The following DDX10 variants were observed in gnomAD, a reference collection of about 807,000 sequenced individuals.
DDX10 encodes DEAD-box helicase 10.
In DDX10, 74 loss-of-function variants were observed where a neutral mutation model predicts 104.3. The ratio of observed to expected loss-of-function variants is 0.71; its 90% CI spans 0.59 to 0.86. DDX10 has a LOEUF of 0.86. Among genes scored for constraint, DDX10 ranks in the 40% least tolerant of loss-of-function variants. The pLI is 0.00. For missense variants in DDX10, 952 were observed against 1,040.0 expected, an observed-to-expected ratio of 0.92 and a Z score of 1.16; for synonymous variants, 351 against 353.4, an observed-to-expected ratio of 0.99 and a Z score of 0.08.
intron 13 of DDX10, among the ~76,000 whole-genome samples, chr11:108,794,911 T>C (rs928419936): frequency 6.6e-6 from 1 of 150,904 alleles, no homozygotes; most frequent in Non-Finnish European, 1.5e-5. Context: ...ACCTGTAACC[T>C]CCGCCTCCCG....
intron 15 of DDX10, among the ~76,000 whole-genome samples, chr11:108,849,361 T>C (rs1047284408): frequency 3.3e-5 from 5 of 152,108 alleles, no homozygotes; most frequent in Non-Finnish European, 5.9e-5. Flanking sequence ...CAAAGGAATA[T>C]ACTTTCATAA....
intron 13 of DDX10, among the ~76,000 whole-genome samples, chr11:108,744,978 A>G (rs1487438178): frequency 6.6e-6 from 1 of 151,746 alleles, no homozygotes; most frequent in Non-Finnish European, 1.5e-5. Flanking sequence ...TTGGAAGGGT[A>G]GAAGAGCTCT....
chr11:108,707,081 A>G (rs1468252390), intron 10 of DDX10, among the ~76,000 whole-genome samples: 1 of 152,054 alleles, frequency 6.6e-6, no homozygotes, highest in African/African-American at 2.4e-5. Flanking sequence ...CCCCACCAGA[A>G]TACATCTGCT....
chr11:108,754,695 C>T (rs967004692), intron 13 of DDX10, among the ~76,000 whole-genome samples: 1 of 151,884 alleles, frequency 6.6e-6, no homozygotes, highest in Non-Finnish European at 1.5e-5. Context: ...CACTGTACAT[C>T]TAGAATCTAT....
chr11:108,926,176 A>G (rs1291860619), intron 17 of DDX10, among the ~76,000 whole-genome samples: 1 of 152,018 alleles, frequency 6.6e-6, no homozygotes, highest in East Asian at 1.9e-4. Context: ...AGACATAATT[A>G]TACCTTCTAA....
chr11:108,872,702 A>G (rs1863098151), intron 16 of DDX10, among the ~76,000 whole-genome samples: 1 of 152,224 alleles, frequency 6.6e-6, no homozygotes, highest in South Asian at 2.1e-4. Flanking sequence ...TGTGGCACCC[A>G]GTGGGATGTG....
At chr11:108,796,342 A>G (rs1041882510) in intron 13 of DDX10, among the ~76,000 whole-genome samples, 5 of 152,150 alleles carry the variant, frequency 3.3e-5, no homozygotes, top group Admixed American at 6.5e-5. Flanking sequence ...TTGATTGTAT[A>G]CTTCTGTTTT....
chr11:108,850,258 G>A lies in DDX10; in HGVS notation c.2248-1895G>A, dbSNP rs185909843. 9.9e-5 allele frequency among the ~76,000 whole-genome samples: 15 copies of A among 152,188 alleles called. No homozygotes were observed. In the East Asian group the frequency reaches 2.9e-3, roughly 29 times the overall value. ...TTGCATGCACATGTAAATTCTGATA[G>A]CCAATTTAAAGCTGAAATTTAAAAT... On this transcript the variant is annotated intron_variant, in intron 15 of 17. Coordinates refer to ENST00000322536, the MANE Select transcript of DDX10 (RefSeq NM_004398.4).
chr11:108,848,585 G>A lies in DDX10; in HGVS notation c.2248-3568G>A, dbSNP rs548530215. ...TCATTTGGAGATGTCTGCCTGGGGA[G>A]GTGTCTGTTCTTACTCTCATGAGCT... is the stretch of plus-strand genomic sequence containing the variant. On this transcript the variant is annotated intron_variant, in intron 15 of 17. Coordinates refer to ENST00000322536, the MANE Select transcript of DDX10 (RefSeq NM_004398.4). 1.1e-4 allele frequency among the ~76,000 whole-genome samples: 17 copies of A among 152,196 alleles called. No individual in the cohort carries two copies. In the South Asian group the frequency reaches 1.7e-3, roughly 15 times the overall value.
chr11:108,814,743 T>C (rs992091897), intron 13 of DDX10, among the ~76,000 whole-genome samples: 1 of 152,190 alleles, frequency 6.6e-6, no homozygotes, highest in African/African-American at 2.4e-5. Flanking sequence ...TTAATGATCA[T>C]TAGGGGGAAG....
At chr11:108,705,501 TA>T (rs1261077927) in intron 9 of DDX10, among the ~76,000 whole-genome samples, 1 of 152,206 alleles carries the variant, frequency 6.6e-6, no homozygotes, top group Non-Finnish European at 1.5e-5. Flanking sequence ...AGCACCTACT[TA>T]TTTACTGTTT....
chr11:108,680,441 C>G (rs944159008), intron 6 of DDX10, among the ~76,000 whole-genome samples: 2 of 152,164 alleles, frequency 1.3e-5, no homozygotes, highest in African/African-American at 4.8e-5. Flanking sequence ...TTTCAAATTC[C>G]TGAGATCAAG....
chr11:108,811,707 A>T (rs1288434381), intron 13 of DDX10, among the ~76,000 whole-genome samples: 2 of 152,184 alleles, frequency 1.3e-5, no homozygotes, highest in African/African-American at 4.8e-5. Context: ...GTAGGAAAGA[A>T]TCTTCCAAAC....
chr11:108,914,322 G>T (rs2134661087), intron 16 of DDX10, among the ~76,000 whole-genome samples: 1 of 152,276 alleles, frequency 6.6e-6, no homozygotes, highest in East Asian at 1.9e-4. Flanking sequence ...TGCTCAAAGT[G>T]TCAGAGTGCA....
chr11:108,705,592 A>T (rs1033660289), intron 9 of DDX10, among the ~76,000 whole-genome samples: 2 of 152,070 alleles, frequency 1.3e-5, no homozygotes, highest in East Asian at 3.9e-4. Context: ...GGAGACAGGG[A>T]TTTTCATCTT....
intron 13 of DDX10, among the ~76,000 whole-genome samples, chr11:108,740,854 T>C (rs181301006): frequency 6.6e-6 from 1 of 152,292 alleles, no homozygotes; most frequent in East Asian, 1.9e-4. Context: ...TTTAAGTTCC[T>C]TATAAATTCT....
intron 1 of DDX10, among the ~76,000 whole-genome samples, chr11:108,672,062 G>GAAAAAAAAAAAAAAAAAAAAAAA (rs55845865): frequency 1.5e-5 from 1 of 68,644 alleles, no homozygotes; most frequent in Non-Finnish European, 2.7e-5. Flanking sequence ...CTCCATCTCG[G>GAAAAAAAAAAAAAAAAAAAAAAA]AAAAAAAAAA....
intron 13 of DDX10, among the ~76,000 whole-genome samples, chr11:108,803,652 C>G (rs1352049880): frequency 6.7e-6 from 1 of 150,188 alleles, no homozygotes; most frequent in Admixed American, 6.6e-5. Flanking sequence ...TTCATTATAT[C>G]TCTGAGACAT....
At chr11:108,808,329 C>A (rs577422251) in intron 13 of DDX10, among the ~76,000 whole-genome samples, 24 of 136,790 alleles carry the variant, frequency 1.8e-4, no homozygotes, top group African/African-American at 6.8e-4. Flanking sequence ...AAATGCTGAG[C>A]AGTTTAGGAT....
Sources: gnomAD v4.1 joint callset for allele counts (sites outside exome capture counted in the v4.1 genomes callset) on GRCh38, gnomAD v4.1.1 for gene constraint, MANE v1.5 for transcripts, NCBI Gene and HGNC (gene_info 2026-07-23, HGNC 2026-07-21) for gene names.